The following RHCE variants were observed in gnomAD, a reference collection of about 807,000 sequenced individuals.
RHCE encodes the protein blood group Rh(CE) polypeptide.
A neutral mutation model predicts 43.8 loss-of-function variants in RHCE; 22 were observed. The ratio of observed to expected loss-of-function variants is 0.50; its 90% CI spans 0.36 to 0.72. RHCE has a LOEUF of 0.72. Among genes scored for constraint, RHCE ranks in the 30% least tolerant of loss-of-function variants. RHCE has a pLI of 0.00. For synonymous variants in RHCE, 156 were observed against 210.7 expected (o/e 0.74, Z 2.25); for missense variants, 385 against 525.4 (o/e 0.73, Z 2.61).
At chr1:25,425,596 T>G (rs28453269), upstream of RHCE, among the ~76,000 whole-genome samples, 771 of 152,340 alleles carry the variant, frequency 5.1e-3, 4 homozygotes, top group African/African-American at 0.018. Flanking sequence ...TGAAAATTTG[T>G]CAGCAGGCCT....
chr1:25,400,472 T>C (rs1271939803), intron 3 of RHCE, among the ~76,000 whole-genome samples: 2 of 151,156 alleles, frequency 1.3e-5, no homozygotes, highest in Non-Finnish European at 2.9e-5. Flanking sequence ...CTTTGCTGGC[T>C]CTTACACATG....
intron 6 of RHCE, 73 bp downstream of exon 6, chr1:25,388,903 A>T: frequency 6.2e-7 from 1 of 1,611,400 alleles, no homozygotes; most frequent in South Asian, 1.1e-5. Context: ...TGCACTGCAC[A>T]GTGGCCCATC....
intron 8 of RHCE, among the ~76,000 whole-genome samples, chr1:25,373,840 T>C (rs1271934225): frequency 1.3e-5 from 2 of 151,260 alleles, no homozygotes; most frequent in East Asian, 1.9e-4. Flanking sequence ...TTCTTTCTTT[T>C]TTTTTTTTTT....
intron 4 of RHCE, 111 bp from the exon 5 acceptor site, chr1:25,391,026 T>G (rs1029489413): frequency 2.0e-4 from 301 of 1,473,186 alleles, no homozygotes; most frequent in Non-Finnish European, 2.7e-4. Context: ...GCCTTGTCAC[T>G]TAGAGTTAGA....
Position 25,378,632 on chromosome 1 carries a change from C to T in RHCE, c.1074-3204G>A, listed in dbSNP as rs368398660. ...TTATAAACCCCTCAGCTACAAATTCCAACATATGTGTTTTCACTTCCTGCC... is the reference window on the plus strand; with the variant it reads ...TTATAAACCCCTCAGCTACAAATTCTAACATATGTGTTTTCACTTCCTGCC... On this transcript the variant is annotated intron_variant, in intron 7 of 9. Coordinates refer to ENST00000294413, the MANE Select transcript of RHCE (RefSeq NM_020485.8). Among the ~76,000 whole-genome samples, 417 of 152,288 alleles carry T rather than the reference C, an allele frequency of 2.7e-3. 2 individuals are homozygous for T. The highest frequency in any genetic ancestry group is 9.6e-3 in the African/African-American group (397 of 41,562).
rs1202458969 is a variant in RHCE, at chr1:25,382,451, GT to G, written c.1073+3259del. 6.8e-4 allele frequency among the ~76,000 whole-genome samples: 95 copies of G among 139,834 alleles called. 13 individuals are homozygous for G. Among genetic ancestry groups the G allele is most frequent in the African/African-American group, 2.0e-3 (66 of 33,310 alleles). 91.7% of individuals were successfully genotyped at this position (139,834 alleles called of 152,430 possible). On this transcript the variant is annotated intron_variant, in intron 7 of 9. Transcript: ENST00000294413. ...ATATAGCTTATACTATATAAGTTGGGTTTTTTTTTTTAAGTAATAAGTGGCA... is the reference window on the plus strand; with the variant it reads ...ATATAGCTTATACTATATAAGTTGGGTTTTTTTTTTAAGTAATAAGTGGCA...
chr1:25,383,102 G>A (rs1329408082), intron 7 of RHCE, among the ~76,000 whole-genome samples: 2 of 152,142 alleles, frequency 1.3e-5, no homozygotes, highest in East Asian at 3.9e-4. Flanking sequence ...GCCCAAGTGG[G>A]GACTTTCTTT....
intron 8 of RHCE, among the ~76,000 whole-genome samples, chr1:25,370,923 T>C (rs1236088234): frequency 3.4e-5 from 5 of 148,212 alleles, no homozygotes; most frequent in Non-Finnish European, 6.0e-5. Context: ...TAATTTTTTT[T>C]TTTTTTTTTT....
intron 8 of RHCE, among the ~76,000 whole-genome samples, chr1:25,373,815 G>T (rs1248950568): frequency 6.6e-6 from 1 of 150,856 alleles, no homozygotes; most frequent in Non-Finnish European, 1.5e-5. Flanking sequence ...ACAAGTTCTG[G>T]ATGGAATGTA....
In RHCE at chr1:25,389,067, G is replaced by T; in HGVS notation, c.848C>A (p.Thr283Asn). Residue 283 changes from threonine (T) to asparagine (N), a missense_variant, in exon 6 of 10, where the codon ACC (threonine) becomes AAC (asparagine). Thr to Asn is a moderately conservative substitution (Grantham distance 65). This residue lies in a region of RHCE where 56 missense variants were observed against 90.0 expected (regional missense o/e 0.62). Transcript: ENST00000294413. ...AVLAGGVAVG[T>N]SCHLIPSPWL... ...CGGAGAAGGGATCAGGTGACACGAG[G>T]TACCCACAGCCACGCCTCCTGCCAA... 6.2e-7 allele frequency: 1 copy of T among 1,614,112 alleles called. No individual in the cohort carries two copies. Among genetic ancestry groups the T allele is most frequent in the South Asian group, 1.1e-5 (1 of 91,084 alleles).
At chr1:25,428,200 A>G (rs979682805) in intron 2 of RHCE, among the ~76,000 whole-genome samples, 6 of 152,178 alleles carry the variant, frequency 3.9e-5, no homozygotes, top group Non-Finnish European at 8.8e-5. Flanking sequence ...TGGCTTACTC[A>G]TCTAACCATC....
At chr1:25,369,155 G>GGGGCA (rs1260209018) in intron 9 of RHCE, among the ~76,000 whole-genome samples, 1 of 151,788 alleles carries the variant, frequency 6.6e-6, no homozygotes, top group Non-Finnish European at 1.5e-5. Context: ...AGGAAAAGAA[G>GGGGCA]GGGCAGGGTC....
chr1:25,411,026 A>T (rs1647057348), intron 1 of RHCE, among the ~76,000 whole-genome samples: 1 of 152,056 alleles, frequency 6.6e-6, no homozygotes, highest in Non-Finnish European at 1.5e-5. Flanking sequence ...CAGGAGGCGG[A>T]GGTTGCAGTG....
At chr1:25,414,423 C>T (rs943872137) in intron 1 of RHCE, among the ~76,000 whole-genome samples, 3 of 152,096 alleles carry the variant, frequency 2.0e-5, no homozygotes, top group Non-Finnish European at 4.4e-5. Flanking sequence ...CCTGGAAAGA[C>T]CACTGCAGCC....
At chr1:25,374,554 C>A (rs1329974706) in intron 8 of RHCE, among the ~76,000 whole-genome samples, 1 of 147,524 alleles carries the variant, frequency 6.8e-6, no homozygotes, top group Non-Finnish European at 1.5e-5. Flanking sequence ...TACCATTCTG[C>A]CCTCAACCCC....
intron 9 of RHCE, among the ~76,000 whole-genome samples, chr1:25,368,013 G>T: frequency 6.6e-6 from 1 of 151,018 alleles, no homozygotes; most frequent in East Asian, 1.9e-4. Flanking sequence ...CTTAGTGACA[G>T]AAAGTAGTTC....
chr1:25,391,655 A>G (rs1000721360), intron 4 of RHCE, among the ~76,000 whole-genome samples: 3 of 152,096 alleles, frequency 2.0e-5, no homozygotes, highest in Non-Finnish European at 4.4e-5. Context: ...CATTATTACT[A>G]TTCCCACCCT....
intron 7 of RHCE, chr1:25,385,411 T>C (rs2124393807): frequency 6.7e-6 from 3 of 445,990 alleles, no homozygotes; most frequent in South Asian, 3.9e-5. Flanking sequence ...TGAACCACAG[T>C]CTCAATTGGC....
At chr1:25,369,140 G>A (rs1645524901) in intron 9 of RHCE, among the ~76,000 whole-genome samples, 1 of 151,800 alleles carries the variant, frequency 6.6e-6, no homozygotes, top group Non-Finnish European at 1.5e-5. Context: ...AGGAGAGGAA[G>A]GAGAAGGAAA....
Sources: gnomAD v4.1 joint callset for allele counts (sites outside exome capture counted in the v4.1 genomes callset) on GRCh38, gnomAD v4.1.1 for gene constraint, gnomAD v4.1.1 regional missense constraint, MANE v1.5 for transcripts, NCBI Gene and HGNC (gene_info 2026-07-23, HGNC 2026-07-21) for gene names.